DVL1: variants seen among roughly 807,000 people sequenced by gnomAD.
DVL1 encodes segment polarity protein dishevelled homolog DVL-1.
DVL1 carries 49 observed loss-of-function variants against 65.0 expected under a neutral mutation model. The observed-to-expected ratio is 0.75, with a 90% CI of 0.60 to 0.96. The LOEUF (loss-of-function observed/expected upper bound fraction) is 0.96, where lower values mean the gene tolerates loss of function less well. DVL1 is among the 40% of genes least tolerant of loss of function. The probability of loss-of-function intolerance (pLI) is 0.00; values close to 1 mark genes in which losing one functional copy is unlikely to be tolerated. For synonymous variants in DVL1, 608 were observed against 433.9 expected (o/e 1.40, Z -4.99); for missense variants, 1,197 against 1,045.4 (o/e 1.15, Z -2.00).
Position 1,339,287 on chromosome 1 carries a change from G to C in DVL1, c.1207C>G (p.Gln403Glu), listed in dbSNP as rs1333354219. The C allele has an allele frequency of 6.5e-7, 1 of 1,548,350 alleles. No individual in the cohort carries two copies. Among genetic ancestry groups the C allele is most frequent in the Admixed American group, 2.0e-5 (1 of 50,978 alleles). The change falls in exon 11 of 15, where the codon CAG becomes GAG. Residue 403 changes from glutamine (Q) to glutamate (E), a missense_variant and splice_region_variant. Physicochemically the swap from Gln to Glu is conservative, Grantham distance 29 (BLOSUM62 2). Coordinates refer to ENST00000378888, the MANE Select transcript of DVL1 (RefSeq NM_001330311.2). The part of the protein sequence containing the change: ...SLTSSVPGAP[Q>E]LEEAPLTVKS... ...GGGGCCCTCAGGAGCTGCCACTTAC[G>C]TGGAGCACCAGGCACGGAGCTGGTT... is the stretch of plus-strand genomic sequence containing the variant.
chr1:1,342,199 G>T (rs1396525676), intron 3 of DVL1, 43 bp from the exon 4 acceptor site: 14 of 1,520,816 alleles, frequency 9.2e-6, no homozygotes, highest in African/African-American at 1.4e-5. Context: ...CGTGGCCCCA[G>T]CCCCTCAGAT....
intron 14 of DVL1, 110 bp downstream of exon 14, chr1:1,337,867 T>TG (rs1402596493): frequency 5.0e-6 from 3 of 595,902 alleles, no homozygotes; most frequent in Non-Finnish European, 5.0e-6. Context: ...GGGGTGGAGC[T>TG]GGGGGTGGAG....
chr1:1,339,455 G>C lies in DVL1; in HGVS notation c.1055-16C>G. 6.5e-7 allele frequency: 1 copy of C among 1,546,772 alleles called. No homozygotes were observed. The highest frequency in any genetic ancestry group is 8.7e-7 in the Non-Finnish European group (1 of 1,144,764). ...ACCGGGTCAGCTGGGTGGCCGCCAC[G>C]TGGCGATGACAGGCGGACAGATGGA... On this transcript the variant is annotated splice_polypyrimidine_tract_variant and intron_variant, in intron 10 of 14. Transcript: ENST00000378888.
At position 1,342,188 on chromosome 1, in the gene DVL1, C is replaced by T. The variant is rs955901834; in HGVS notation, c.363-32G>A. 1.2e-5 allele frequency: 18 copies of T among 1,531,582 alleles called. 1 individual carries two copies. The South Asian group carries it at 1.6e-4, about 13-fold the overall frequency. The allele number at this position is 1,531,582 out of a possible 1,614,324, so 94.9% of individuals were successfully genotyped here. ...AACAAGAGCAGGGTGGGTGGGGAGGCCGTGGCCCCAGCCCCTCAGATGCCG... is the reference window on the plus strand; with the variant it reads ...AACAAGAGCAGGGTGGGTGGGGAGGTCGTGGCCCCAGCCCCTCAGATGCCG... On this transcript the variant is annotated intron_variant, in intron 3 of 14. Transcript: ENST00000378888.
intron 11 of DVL1, among the ~76,000 whole-genome samples, 180 bp from the exon 12 acceptor site, chr1:1,338,833 G>A (rs1488558870): frequency 6.6e-6 from 1 of 152,216 alleles, no homozygotes; most frequent in Non-Finnish European, 1.5e-5. Flanking sequence ...GCGTGAGCAG[G>A]GGGGTTGGAC....
chr1:1,347,506 C>G (rs1036251200), intron 1 of DVL1, among the ~76,000 whole-genome samples: 11 of 152,230 alleles, frequency 7.2e-5, no homozygotes, highest in African/African-American at 2.2e-4. Flanking sequence ...GAGCATGGTC[C>G]AGGAGCAGAA....
In DVL1 at chr1:1,341,672, C is replaced by T. The variant is rs754245807; in HGVS notation, c.600G>A (p.Thr200=). Residue 200 remains threonine, a synonymous_variant, in exon 5 of 15, where the codon ACG becomes ACA. Coordinates refer to ENST00000378888, the MANE Select transcript of DVL1 (RefSeq NM_001330311.2). ...CCACAGACACTCCCACACACCTGCT[C>T]GTGCTGCCATCCTCGTCCGAGTCCA... ...SFVDSDEDGS[T]SRLSSSTEQS... The T allele has an allele frequency of 5.0e-6, 8 of 1,603,344 alleles. No individual in the cohort carries two copies. The highest frequency in any genetic ancestry group is 3.3e-5 in the South Asian group (3 of 90,694).
chr1:1,348,301 G>T (rs577085803), intron 1 of DVL1, among the ~76,000 whole-genome samples: 8 of 152,280 alleles, frequency 5.3e-5, no homozygotes, highest in South Asian at 4.2e-4. Flanking sequence ...CTCCGGGAAC[G>T]CAAGTGCTTT....
chr1:1,336,349 G>A lies in DVL1; in HGVS notation c.1881C>T (p.Gly627=). 1 of 1,594,220 alleles carries A rather than the reference G, an allele frequency of 6.3e-7. No individual in the cohort carries two copies. The highest frequency in any genetic ancestry group is 8.5e-7 in the Non-Finnish European group (1 of 1,176,932). Reference sequence around the variant, plus strand: ...CCGAGGCCTGACTGCGTGGGCTGCTGCCACGGCTGAGCTGGCCGGCCGGAC... The same window carrying A: ...CCGAGGCCTGACTGCGTGGGCTGCTACCACGGCTGAGCTGGCCGGCCGGAC... The part of the protein sequence containing the change: ...RERPAGQLSR[G]SSPRSQASAT... Residue 627 remains glycine, a synonymous_variant, in exon 15 of 15, where the codon GGC becomes GGT. Coordinates refer to ENST00000378888, the MANE Select transcript of DVL1 (RefSeq NM_001330311.2).
chr1:1,344,234 T>C (rs1228578084), intron 1 of DVL1, among the ~76,000 whole-genome samples: 2 of 152,012 alleles, frequency 1.3e-5, no homozygotes, highest in African/African-American at 2.4e-5. Context: ...TTGGGCCCAG[T>C]GGAGAAATAG....
At position 1,348,973 on chromosome 1, in the gene DVL1, G is replaced by T; in HGVS notation, c.93C>A (p.Ala31=). 2 of 1,576,234 alleles carry T rather than the reference G, an allele frequency of 1.3e-6. No homozygotes were observed. Among genetic ancestry groups the T allele is most frequent in the South Asian group, 2.2e-5 (2 of 89,910 alleles). ...GGTTGCTGAGCACGTTCTTGAAGTC[G>T]GCCAGCGTGACGCGCTCGGGGGCCA... ...LPVAPERVTL[A]DFKNVLSNRP... is the part of the protein sequence containing the mutation. Residue 31 remains alanine, a synonymous_variant, in exon 1 of 15, where the codon GCC becomes GCA. Coordinates refer to ENST00000378888, the MANE Select transcript of DVL1 (RefSeq NM_001330311.2).
chr1:1,339,086 C>A (rs984716972), intron 11 of DVL1, among the ~76,000 whole-genome samples: 3 of 152,240 alleles, frequency 2.0e-5, no homozygotes, highest in African/African-American at 2.4e-5. Context: ...ATCCCCTGTT[C>A]CCAACACACA....
intron 7 of DVL1, 23 bp from the exon 8 acceptor site, chr1:1,340,200 C>CG (rs1426275257): frequency 8.7e-6 from 14 of 1,613,576 alleles, no homozygotes; most frequent in Non-Finnish European, 1.2e-5. Context: ...CCATGAGCCG[C>CG]GGCCAAGCCC....
At chr1:1,339,181 A>G (rs1254516713) in intron 11 of DVL1, 106 bp downstream of exon 11, 2 of 1,435,826 alleles carry the variant, frequency 1.4e-6, no homozygotes, top group East Asian at 2.5e-5. Flanking sequence ...GGCAACACAC[A>G]CGTGTCACAG....
chr1:1,339,468 G>A, intron 10 of DVL1, 29 bp from the exon 11 acceptor site: 1 of 1,546,092 alleles, frequency 6.5e-7, no homozygotes, highest in Non-Finnish European at 8.7e-7. Context: ...GCGATGACAG[G>A]CGGACAGATG....
Position 1,338,354 on chromosome 1 carries a change from C to A in DVL1, c.1422G>T (p.Leu474Phe). The A allele has an allele frequency of 6.2e-7, 1 of 1,612,692 alleles. No individual in the cohort carries two copies. The highest frequency in any genetic ancestry group is 8.5e-7 in the Non-Finnish European group (1 of 1,179,874). Residue 474 changes from leucine to phenylalanine, a missense_variant, in exon 13 of 15, where the codon TTG becomes TTT. Leu to Phe is a conservative substitution (Grantham distance 22, BLOSUM62 0). Coordinates refer to ENST00000378888, the MANE Select transcript of DVL1 (RefSeq NM_001330311.2). ...TGTGCCGCAGGAAGCCGTGCTTCAGCAAGCTGCTGGCGTACTTCCGGGCCT... is the reference window on the plus strand; with the variant it reads ...TGTGCCGCAGGAAGCCGTGCTTCAGAAAGCTGCTGGCGTACTTCCGGGCCT... The part of the protein sequence containing the change: ...RREARKYASS[L>F]LKHGFLRHTV...
chr1:1,337,966 G>C lies in DVL1; in HGVS notation c.1714+11C>G, dbSNP rs367666036. ...GAGCCGGGGAAGGGCAGGTAGGGGC[G>C]GCGTTCTCACCTTCACTCTGCTGAC... On this transcript the variant is annotated intron_variant, in intron 14 of 14. Transcript: ENST00000378888. 2.1e-5 allele frequency: 34 copies of C among 1,608,644 alleles called. No individual in the cohort carries two copies. Among genetic ancestry groups the C allele is most frequent in the Non-Finnish European group, 2.8e-5 (33 of 1,178,110 alleles).
rs145370195 is a variant in DVL1, at chr1:1,341,593, G to GACAC, written c.605+70_605+73dup. On this transcript the variant is annotated intron_variant, in intron 5 of 14. Transcript: ENST00000378888. ...GTGCAATGTGAAAACACCTCATGCA[G>GACAC]ACACATGCACATCATGTACAGACAT... 0.97 allele frequency: 1,459,921 copies of GACAC among 1,510,518 alleles called. 705,976 individuals carry two copies. The highest frequency in any genetic ancestry group is 0.99 in the African/African-American group (71,819 of 72,728). 93.6% of individuals were successfully genotyped at this position (1,510,518 alleles called of 1,614,324 possible). A position where few individuals can be genotyped will look rare whatever the true frequency, so the allele number is the denominator to read the frequency against.
At position 1,339,371 on chromosome 1, in the gene DVL1, G is replaced by T; in HGVS notation, c.1123C>A (p.Pro375Thr). Residue 375 changes from proline (P) to threonine (T), a missense_variant, in exon 11 of 15, where the codon CCC becomes ACC. Transcript: ENST00000378888. Reference sequence around the variant, plus strand: ...GAGCAGGGACTCGTACCGTAGCGGGGCAGGGCTCCTGTCAGTGCCGCCGTG... The same window carrying T: ...GAGCAGGGACTCGTACCGTAGCGGGTCAGGGCTCCTGTCAGTGCCGCCGTG... ...SHTAALTGAL[P>T]RYGTSPCSSA... 1 of 1,548,928 alleles carries T rather than the reference G, an allele frequency of 6.5e-7. No individual in the cohort carries two copies. The highest frequency in any genetic ancestry group is 8.7e-7 in the Non-Finnish European group (1 of 1,146,876).
Sources: allele counts gnomAD v4.1 joint callset (sites outside exome capture counted in the v4.1 genomes callset), GRCh38; gene constraint gnomAD v4.1.1; transcripts MANE v1.5; gene names NCBI Gene and HGNC (gene_info 2026-07-23, HGNC 2026-07-21).